The following COQ5 variants were observed in gnomAD, a reference collection of about 807,000 sequenced individuals.
COQ5 encodes 2-methoxy-6-polyprenyl-1,4-benzoquinol methylase, mitochondrial.
Under a neutral mutation model 40.5 loss-of-function variants are expected in COQ5, and 27 were observed. The ratio of observed to expected loss-of-function variants is 0.67; its 90% CI spans 0.49 to 0.92. The LOEUF is 0.92. COQ5 is among the 40% of genes least tolerant of loss of function. The pLI, the probability that COQ5 is intolerant of heterozygous loss-of-function variation, is 0.00. For missense variants in COQ5, 409 were observed against 406.4 expected (o/e 1.01, Z -0.06); for synonymous variants, 141 against 150.0 (o/e 0.94, Z 0.44).
intron 2 of COQ5, among the ~76,000 whole-genome samples, chr12:120,517,668 C>A (rs539219295): frequency 1.3e-4 from 19 of 149,462 alleles, no homozygotes; most frequent in Non-Finnish European, 2.2e-4. Flanking sequence ...GGCGACAGAG[C>A]AAGACTACAT....
chr12:120,520,269 G>A (rs1394756773), intron 2 of COQ5, among the ~76,000 whole-genome samples: 1 of 151,016 alleles, frequency 6.6e-6, no homozygotes, highest in Non-Finnish European at 1.5e-5. Context: ...TCAGCCTCCT[G>A]AGTAGCTGGA....
chr12:120,528,992 C>T lies in COQ5; in HGVS notation c.150G>A (p.Ala50=), dbSNP rs1565936143. The T allele has an allele frequency of 6.2e-7, 1 of 1,614,074 alleles. No homozygotes were observed. Among genetic ancestry groups the T allele is most frequent in the Admixed American group, 1.7e-5 (1 of 60,008 alleles). The part of the protein sequence containing the change: ...ARLLSQEKRA[A]ETHFGFETVS... ...CAGTCTCAAACCCAAAGTGCGTTTC[C>T]GCTGCCCGCTTCTCTTGGGACAAGA... The change falls in exon 1 of 7, where the codon GCG becomes GCA. Residue 50 remains alanine (A), a synonymous_variant. Coordinates refer to ENST00000288532, the MANE Select transcript of COQ5 (RefSeq NM_032314.4).
At chr12:120,522,818 G>C (rs1162493053) in intron 1 of COQ5, 1 of 673,610 alleles carries the variant, frequency 1.5e-6, no homozygotes, top group African/African-American at 1.8e-5. Flanking sequence ...CCTGGGGGTG[G>C]GCAATGTAGG....
chr12:120,520,663 G>GT (rs1869603784), intron 2 of COQ5, among the ~76,000 whole-genome samples: 1 of 151,928 alleles, frequency 6.6e-6, no homozygotes, highest in African/African-American at 2.4e-5. Flanking sequence ...TAGAGACGGG[G>GT]TTTCACCATG....
intron 2 of COQ5, 115 bp downstream of exon 2, chr12:120,522,099 C>A: frequency 9.8e-7 from 1 of 1,023,192 alleles, no homozygotes; most frequent in Non-Finnish European, 1.5e-6. Flanking sequence ...TATAAGTATG[C>A]AGATTTTCAA....
intron 3 of COQ5, among the ~76,000 whole-genome samples, chr12:120,511,219 T>C (rs936676107): frequency 5.5e-5 from 8 of 145,082 alleles, no homozygotes; most frequent in African/African-American, 1.8e-4. Flanking sequence ...ATCGCGCCAC[T>C]GCACTCCAGC....
At chr12:120,508,741 T>C (rs1404631222) in intron 4 of COQ5, among the ~76,000 whole-genome samples, 1 of 151,996 alleles carries the variant, frequency 6.6e-6, no homozygotes, top group African/African-American at 2.4e-5. Flanking sequence ...AAAAAATTTT[T>C]TTCCCCAGGC....
At chr12:120,509,376 A>G (rs1055652005) in intron 4 of COQ5, among the ~76,000 whole-genome samples, 12 of 152,092 alleles carry the variant, frequency 7.9e-5, no homozygotes, top group African/African-American at 2.9e-4. Flanking sequence ...AGGAACAAAG[A>G]AGAGCTCCAT....
chr12:120,504,418 T>TC (rs1433658739), intron 5 of COQ5, among the ~76,000 whole-genome samples: 1 of 148,240 alleles, frequency 6.7e-6, no homozygotes, highest in Non-Finnish European at 1.5e-5. Context: ...ATTTTTTTTT[T>TC]TTTTTTTTTT....
chr12:120,506,337 T>C (rs1487649863), intron 4 of COQ5, among the ~76,000 whole-genome samples: 3 of 151,918 alleles, frequency 2.0e-5, no homozygotes, highest in Admixed American at 1.3e-4. Context: ...GAGAAAGAGA[T>C]ACAGTCAATT....
intron 1 of COQ5, among the ~76,000 whole-genome samples, chr12:120,524,434 G>C (rs1352183150): frequency 6.6e-6 from 1 of 151,454 alleles, no homozygotes; most frequent in South Asian, 2.1e-4. Flanking sequence ...CTAATTTTTT[G>C]TATTTTTAGT....
intron 4 of COQ5, among the ~76,000 whole-genome samples, chr12:120,508,055 G>A (rs1868957663): frequency 6.6e-6 from 1 of 151,986 alleles, no homozygotes; most frequent in South Asian, 2.1e-4. Context: ...GAGTGCAGTG[G>A]TGTGATCTCG....
intron 2 of COQ5, among the ~76,000 whole-genome samples, chr12:120,517,636 C>T (rs1425578566): frequency 1.4e-5 from 2 of 144,670 alleles, no homozygotes; most frequent in South Asian, 2.3e-4. Context: ...GAGCCAAGAT[C>T]GCGCCACTGC....
At chr12:120,522,919 C>T (rs912722154) in intron 1 of COQ5, 12 of 691,048 alleles carry the variant, frequency 1.7e-5, no homozygotes, top group African/African-American at 1.4e-4. Context: ...TCAGCACGTG[C>T]ACTCGTGGCC....
At chr12:120,528,385 G>T (rs1002664470) in intron 1 of COQ5, among the ~76,000 whole-genome samples, 1 of 152,096 alleles carries the variant, frequency 6.6e-6, no homozygotes, top group Non-Finnish European at 1.5e-5. Context: ...ATTTCCTCAC[G>T]TGTAATATGG....
intron 4 of COQ5, among the ~76,000 whole-genome samples, chr12:120,507,387 C>T (rs536702506): frequency 2.0e-5 from 3 of 151,006 alleles, no homozygotes; most frequent in Non-Finnish European, 2.9e-5. Context: ...CGGGTTCAAG[C>T]GATTCTTCTC....
intron 1 of COQ5, chr12:120,527,289 T>C (rs1178199893): frequency 1.3e-5 from 2 of 151,846 alleles, no homozygotes; most frequent in Non-Finnish European, 2.9e-5. Flanking sequence ...TTTCACCACG[T>C]TGGCCAGGCT....
chr12:120,517,660 C>T (rs1419994910), intron 2 of COQ5, among the ~76,000 whole-genome samples: 16 of 149,842 alleles, frequency 1.1e-4, no homozygotes, highest in African/African-American at 3.9e-4. Context: ...CCAGCCTGGG[C>T]GACAGAGCAA....
At chr12:120,510,424 C>T (rs1869076463) in intron 3 of COQ5, among the ~76,000 whole-genome samples, 2 of 152,128 alleles carry the variant, frequency 1.3e-5, no homozygotes, top group South Asian at 4.1e-4. Flanking sequence ...ATCCTCCTGC[C>T]TTAGTATCCC....
Sources: gnomAD v4.1 joint callset for allele counts (sites outside exome capture counted in the v4.1 genomes callset) on GRCh38, gnomAD v4.1.1 for gene constraint, MANE v1.5 for transcripts, NCBI Gene and HGNC (gene_info 2026-07-23, HGNC 2026-07-21) for gene names.